The following RYR1 variants were observed in gnomAD, a reference collection of about 807,000 sequenced individuals.
RYR1 encodes the protein central core disease of muscle.
In RYR1, 342 loss-of-function variants were observed where a neutral mutation model predicts 583.5. The ratio of observed to expected loss-of-function variants is 0.59; its 90% CI spans 0.54 to 0.64. The LOEUF (loss-of-function observed/expected upper bound fraction) is 0.64, where lower values mean the gene tolerates loss of function less well. Among genes scored for constraint, RYR1 ranks in the 30% least tolerant of loss-of-function variants. The probability of loss-of-function intolerance (pLI) is 0.00; values close to 1 mark genes in which losing one functional copy is unlikely to be tolerated. For synonymous variants in RYR1, 2,791 were observed against 2,822.5 expected (o/e 0.99, Z 0.35); for missense variants, 6,032 against 6,917.2 (o/e 0.87, Z 4.54).
At chr19:38,577,814 C>G in intron 97 of RYR1, 104 bp from the exon 98 acceptor site, 1 of 1,496,572 alleles carries the variant, frequency 6.7e-7, no homozygotes, top group Non-Finnish European at 9.1e-7. Flanking sequence ...ATGCACCTCC[C>G]ATTTCTCACT....
chr19:38,449,493 AAAAC>A (rs1387049510), intron 11 of RYR1, among the ~76,000 whole-genome samples: 2 of 152,154 alleles, frequency 1.3e-5, no homozygotes, highest in East Asian at 1.9e-4. Flanking sequence ...AACAAAAACA[AAAAC>A]AGAGAGAGTG....
intron 38 of RYR1, among the ~76,000 whole-genome samples, chr19:38,493,056 G>A (rs1219509407): frequency 6.6e-6 from 1 of 151,642 alleles, no homozygotes; most frequent in Non-Finnish European, 1.5e-5. Context: ...GTGACAGAGC[G>A]AGACTCTGTC....
At chr19:38,440,991 GC>G in intron 2 of RYR1, 127 bp downstream of exon 2, 1 of 915,644 alleles carries the variant, frequency 1.1e-6, no homozygotes, top group South Asian at 1.7e-5. Context: ...GAGGAGGGGG[GC>G]TAAGGCTAAG....
At chr19:38,498,828 A>G (rs1969963574) in intron 42 of RYR1, among the ~76,000 whole-genome samples, 1 of 152,190 alleles carries the variant, frequency 6.6e-6, no homozygotes, top group South Asian at 2.1e-4. Flanking sequence ...TTTATCAGCA[A>G]GGACTTTATG....
chr19:38,586,578 T>G lies in RYR1; in HGVS notation c.15021+2T>G. ...GATGAGACAGAACACACGGGTCAGGTAAGGGGGTGTTAATGGGAGGACAGT... is the reference window on the plus strand; with the variant it reads ...GATGAGACAGAACACACGGGTCAGGGAAGGGGGTGTTAATGGGAGGACAGT... On this transcript the variant is annotated splice_donor_variant, in intron 105 of 105. Transcript: ENST00000359596. LOFTEE classifies it high-confidence loss of function. The G allele has an allele frequency of 6.2e-7, 1 of 1,613,816 alleles. No individual in the cohort carries two copies. Among genetic ancestry groups the G allele is most frequent in the Non-Finnish European group, 8.5e-7 (1 of 1,179,812 alleles).
intron 12 of RYR1, 27 bp downstream of exon 12, chr19:38,451,912 G>A: frequency 6.2e-7 from 1 of 1,613,900 alleles, no homozygotes; most frequent in Non-Finnish European, 8.5e-7. Flanking sequence ...CCCTGCTGGG[G>A]TGACTCCTGT....
At chr19:38,524,477 C>T (rs1034191861) in intron 70 of RYR1, among the ~76,000 whole-genome samples, 6 of 152,186 alleles carry the variant, frequency 3.9e-5, no homozygotes, top group African/African-American at 1.4e-4. Context: ...CAGGGAGAAG[C>T]TGCATGTGTG....
At chr19:38,484,116 C>T (rs1969155639) in intron 33 of RYR1, among the ~76,000 whole-genome samples, 1 of 151,846 alleles carries the variant, frequency 6.6e-6, no homozygotes, top group Non-Finnish European at 1.5e-5. Context: ...CACCTGAGGT[C>T]AGGAGTCTCT....
chr19:38,517,292 G>T, intron 65 of RYR1, 67 bp from the exon 66 acceptor site: 1 of 1,516,906 alleles, frequency 6.6e-7, no homozygotes, highest in Non-Finnish European at 9.0e-7. Context: ...GTATTGCGGG[G>T]GAGGCCAGGG....
chr19:38,562,523 C>T (rs1254661639), intron 90 of RYR1, among the ~76,000 whole-genome samples: 3 of 152,114 alleles, frequency 2.0e-5, no homozygotes, highest in Non-Finnish European at 4.4e-5. Flanking sequence ...TTTGCGCACC[C>T]GTCACCTCCT....
Position 38,491,356 on chromosome 19 carries a change from T to C in RYR1, c.6127+624T>C, listed in dbSNP as rs1969541814. On this transcript the variant is annotated intron_variant, in intron 37 of 105. Transcript: ENST00000359596. ...AAATACTTTTCTGCCCCTTTCCTCT[T>C]CCTCTGGGACTCTCATTATGCATAT... 2.0e-5 allele frequency among the ~76,000 whole-genome samples: 3 copies of C among 152,124 alleles called. No individual in the cohort carries two copies. The South Asian group carries it at 6.2e-4, about 31-fold the overall frequency.
rs1188386551 is a variant in RYR1 at position 38,485,916 on chromosome 19, A to AAAATGGTC, written c.5263_5270dup (p.His1757GlnfsTer18). On this transcript the variant is annotated frameshift_variant, in exon 34 of 106. Transcript: ENST00000359596. LOFTEE classifies it high-confidence loss of function. ...CTCTTCCCTCCTGGAAGGAGCACAGAAAATGGTCACCCCCGGCATGGCCTG... is the reference window on the plus strand; with the variant it reads ...CTCTTCCCTCCTGGAAGGAGCACAGAAAATGGTCAAATGGTCACCCCCGGCATGGCCTG... 6.2e-7 allele frequency: 1 copy of AAAATGGTC among 1,613,680 alleles called. No individual in the cohort carries two copies. The highest frequency in any genetic ancestry group is 8.5e-7 in the Non-Finnish European group (1 of 1,180,006).
In RYR1 at chr19:38,523,312, C is replaced by A; in HGVS notation, c.10440+3C>A. The A allele has an allele frequency of 6.2e-7, 1 of 1,614,144 alleles. No individual in the cohort carries two copies. The highest frequency in any genetic ancestry group is 8.5e-7 in the Non-Finnish European group (1 of 1,180,030). On this transcript the variant is annotated splice_donor_region_variant and intron_variant, in intron 69 of 105. Coordinates refer to ENST00000359596, the MANE Select transcript of RYR1 (RefSeq NM_000540.3). The stretch of plus-strand genomic sequence containing the variant: ...ACAACAAAAGCAAAATGGCTAAGGT[C>A]GGGGCTTGGTTCTGGGAGGAGCACT...
intron 18 of RYR1, 145 bp downstream of exon 18, chr19:38,458,437 C>G: frequency 1.3e-6 from 1 of 799,684 alleles, no homozygotes; most frequent in Non-Finnish European, 2.1e-6. Flanking sequence ...TTCCCAAGAC[C>G]CTAACCCCAG....
intron 25 of RYR1, 148 bp from the exon 26 acceptor site, chr19:38,468,818 A>G (rs1968260977): frequency 2.6e-6 from 2 of 777,062 alleles, no homozygotes; most frequent in South Asian, 3.0e-5. Flanking sequence ...AGATGGAGAC[A>G]CTGTGGGGTG....
chr19:38,569,700 C>T (rs192977176), intron 93 of RYR1, among the ~76,000 whole-genome samples: 190 of 152,306 alleles, frequency 1.2e-3, no homozygotes, highest in African/African-American at 4.2e-3. Context: ...CTCTGCCACT[C>T]GTTGGTTATG....
In RYR1 at chr19:38,507,807, A is replaced by G; in HGVS notation, c.8912A>G (p.Gln2971Arg). The stretch of plus-strand genomic sequence containing the variant: ...CTGCTGCGCTGGATGGACATTTCTC[A>G]GGAGTTCATTGCCCACCTGGGTACG... Reference protein sequence around the residue: ...QQLLRWMDISQEFIAHLEAVV... With the variant: ...QQLLRWMDISREFIAHLEAVV... Residue 2971 changes from glutamine to arginine, a missense_variant, in exon 58 of 106, where the codon CAG (glutamine) becomes CGG (arginine). Coordinates refer to ENST00000359596, the MANE Select transcript of RYR1 (RefSeq NM_000540.3). 1 of 1,612,818 alleles carries G rather than the reference A, an allele frequency of 6.2e-7. No homozygotes were observed. The highest frequency in any genetic ancestry group is 8.5e-7 in the Non-Finnish European group (1 of 1,178,956).
intron 23 of RYR1, among the ~76,000 whole-genome samples, chr19:38,465,017 T>C (rs914857019): frequency 4.6e-5 from 7 of 151,396 alleles, no homozygotes; most frequent in Admixed American, 4.0e-4. Context: ...ACGTAAGGGG[T>C]AAGGGGCCAA....
At chr19:38,455,776 C>G in intron 16 of RYR1, 25 bp downstream of exon 16, 1 of 1,407,646 alleles carries the variant, frequency 7.1e-7, no homozygotes, top group East Asian at 2.3e-5. Flanking sequence ...CCTGACCTCT[C>G]ATCCCCTGAA....
Sources: gnomAD v4.1 joint callset for allele counts (sites outside exome capture counted in the v4.1 genomes callset) on GRCh38, gnomAD v4.1.1 for gene constraint, MANE v1.5 for transcripts, NCBI Gene and HGNC (gene_info 2026-07-23, HGNC 2026-07-21) for gene names.